DYNC2H1: variants seen among roughly 807,000 people sequenced by gnomAD.
DYNC2H1 encodes the protein dynein cytoplasmic 2 heavy chain 1.
Under a neutral mutation model 570.0 loss-of-function variants are expected in DYNC2H1, and 410 were observed. That is an observed-to-expected ratio of 0.72 (90% CI 0.66 to 0.78). The LOEUF (loss-of-function observed/expected upper bound fraction) is 0.78, where lower values mean the gene tolerates loss of function less well. Ranked by LOEUF, DYNC2H1 falls within the 30% of genes least tolerant of loss-of-function variation. The pLI, the probability that DYNC2H1 is intolerant of heterozygous loss-of-function variation, is 0.00. For missense variants in DYNC2H1, 4,865 were observed against 5,046.4 expected, an observed-to-expected ratio of 0.96 and a Z score of 1.09; for synonymous variants, 1,688 against 1,677.6, an observed-to-expected ratio of 1.01 and a Z score of -0.15.
intron 63 of DYNC2H1, among the ~76,000 whole-genome samples, chr11:103,238,592 C>T (rs983474429): frequency 4.6e-5 from 7 of 151,924 alleles, no homozygotes; most frequent in African/African-American, 1.7e-4. Context: ...TACACACACA[C>T]ACACACACAC....
chr11:103,276,650 G>A (rs988750287), intron 70 of DYNC2H1, among the ~76,000 whole-genome samples: 12 of 152,000 alleles, frequency 7.9e-5, no homozygotes, highest in African/African-American at 2.9e-4. Flanking sequence ...TGTTTTTGCA[G>A]ATGTTTATCC....
intron 83 of DYNC2H1, among the ~76,000 whole-genome samples, chr11:103,366,106 A>AATG (rs1183746920): frequency 6.6e-6 from 1 of 152,218 alleles, no homozygotes; most frequent in African/African-American, 2.4e-5. Flanking sequence ...GTACAACAAA[A>AATG]ATGATGGATT....
chr11:103,165,202 A>G (rs1281033592), intron 30 of DYNC2H1, among the ~76,000 whole-genome samples: 2 of 152,264 alleles, frequency 1.3e-5, no homozygotes, highest in East Asian at 3.9e-4. Flanking sequence ...ATCTCAGCTC[A>G]CTGCAACCTC....
rs1426629062 is a variant in DYNC2H1, at chr11:103,241,735, A to G, written c.9820-1958A>G. Among the ~76,000 whole-genome samples the G allele has an allele frequency of 4.6e-5, 7 of 152,114 alleles. No individual in the cohort carries two copies. Among genetic ancestry groups the G allele is most frequent in the African/African-American group, 1.4e-4 (6 of 41,418 alleles). On this transcript the variant is annotated intron_variant, in intron 63 of 88. Coordinates refer to ENST00000375735, the MANE Select transcript of DYNC2H1 (RefSeq NM_001377.3). The surrounding 1 kb of genome is among the most constrained non-coding windows in gnomAD (Gnocchi z 5.1). ...TTCGAGTAGTACATTTACGTGATGG[A>G]GCAGTAAGTGAAATCTCTAGAAATA...
chr11:103,200,179 GAAAATAAA>G, intron 50 of DYNC2H1, 25 bp downstream of exon 50: 1 of 1,433,932 alleles, frequency 7.0e-7, no homozygotes, highest in Non-Finnish European at 9.4e-7. Context: ...TCTTTTCGAA[GAAAATAAA>G]AATAATGGCA....
chr11:103,376,792 T>C (rs1941410609), intron 83 of DYNC2H1, among the ~76,000 whole-genome samples: 2 of 152,238 alleles, frequency 1.3e-5, no homozygotes, highest in Admixed American at 6.5e-5. Flanking sequence ...TATACTTTCA[T>C]GTGCTTTTAT....
At chr11:103,140,653 C>G (rs1859860946) in intron 17 of DYNC2H1, among the ~76,000 whole-genome samples, 1 of 152,100 alleles carries the variant, frequency 6.6e-6, no homozygotes, top group South Asian at 2.1e-4. Context: ...TCCTTCATTT[C>G]AACTTTGGTG....
At position 103,257,620 on chromosome 11, in the gene DYNC2H1, T is replaced by C; in HGVS notation, c.10474T>C (p.Tyr3492His). Residue 3492 changes from tyrosine to histidine, a missense_variant, in exon 69 of 89, where the codon TAT becomes CAT. Transcript: ENST00000375735. Reference sequence around the variant, plus strand: ...TCTTGATCCATAGGAACGGGATGCCTATCTCCCCCTGGCTGAGAGTGCCAG... The same window carrying C: ...TCTTGATCCATAGGAACGGGATGCCCATCTCCCCCTGGCTGAGAGTGCCAG... ...QISLDQERDA[Y>H]LPLAESASKM... 3 of 1,611,166 alleles carry C rather than the reference T, an allele frequency of 1.9e-6. No homozygotes were observed. The highest frequency in any genetic ancestry group is 2.5e-6 in the Non-Finnish European group (3 of 1,178,260).
At chr11:103,392,886 A>ATT (rs5794232) in intron 83 of DYNC2H1, among the ~76,000 whole-genome samples, 1 of 145,792 alleles carries the variant, frequency 6.9e-6, no homozygotes, top group African/African-American at 2.5e-5. Context: ...TCCTGAAACT[A>ATT]TTTTTTTTTT....
chr11:103,285,402 G>A (rs2135349984), intron 73 of DYNC2H1, among the ~76,000 whole-genome samples: 1 of 146,264 alleles, frequency 6.8e-6, no homozygotes, highest in Middle Eastern at 3.4e-3. Context: ...TGGGAGAGGA[G>A]GAATTTTTCT....
rs1239910520 is a variant in DYNC2H1, at chr11:103,163,275, C to A, written c.4611+128C>A. The A allele has an allele frequency of 2.6e-6, 3 of 1,162,670 alleles. No individual in the cohort carries two copies. The highest frequency in any genetic ancestry group is 2.3e-6 in the Non-Finnish European group (2 of 866,766). 72.0% of individuals were successfully genotyped at this position (1,162,670 alleles called of 1,614,324 possible). ...TATCTAACAGTTAACGGACAAATTG[C>A]TTAACTTCTGAGTCTCAGTTCCTTC... On this transcript the variant is annotated intron_variant, in intron 30 of 88. Coordinates refer to ENST00000375735, the MANE Select transcript of DYNC2H1 (RefSeq NM_001377.3). The surrounding 1 kb of genome is among the most constrained non-coding windows in gnomAD (Gnocchi z 4.6).
chr11:103,218,873 G>A (rs986930150), intron 55 of DYNC2H1, among the ~76,000 whole-genome samples: 1 of 152,164 alleles, frequency 6.6e-6, no homozygotes, highest in Non-Finnish European at 1.5e-5. Flanking sequence ...TTGGTATTTT[G>A]TAGAAAGCAC....
At chr11:103,266,027 G>T (rs1161393932) in intron 70 of DYNC2H1, among the ~76,000 whole-genome samples, 2 of 116,626 alleles carry the variant, frequency 1.7e-5, no homozygotes, top group Non-Finnish European at 3.2e-5. Context: ...GCTCCTTGGG[G>T]TTAGGAATCC....
rs569316377 is a variant in DYNC2H1, at chr11:103,406,680, A to G, written c.12366+6808A>G. The G allele has an allele frequency of 2.6e-5, 4 of 152,162 alleles. No homozygotes were observed. The East Asian group carries it at 5.8e-4, about 22-fold the overall frequency. The allele number at this position is 152,162 out of a possible 1,614,324, so 9.4% of individuals were successfully genotyped here. On this transcript the variant is annotated intron_variant, in intron 84 of 88. Transcript: ENST00000375735. ...GCTTGGGTTATAAATTAGTACTGCTATCATTCAACCTATATGATTAATTGA... is the reference window on the plus strand; with the variant it reads ...GCTTGGGTTATAAATTAGTACTGCTGTCATTCAACCTATATGATTAATTGA...
intron 80 of DYNC2H1, among the ~76,000 whole-genome samples, chr11:103,318,795 A>C (rs1938004128): frequency 6.6e-6 from 1 of 152,130 alleles, no homozygotes; most frequent in Admixed American, 6.5e-5. Context: ...TTTTCCATAA[A>C]CTGAACCTAT....
At chr11:103,152,640 A>G (rs1565346695) in intron 21 of DYNC2H1, among the ~76,000 whole-genome samples, 1 of 152,158 alleles carries the variant, frequency 6.6e-6, no homozygotes, top group Non-Finnish European at 1.5e-5. Context: ...GGAGACCCCA[A>G]AAATTGTAGC....
chr11:103,453,438 GTTAT>G (rs200693881), intron 85 of DYNC2H1, among the ~76,000 whole-genome samples: 1,559 of 151,848 alleles, frequency 0.01, 17 homozygotes, highest in African/African-American at 0.036. Flanking sequence ...AATAATCTTT[GTTAT>G]TTATTTATCT....
In DYNC2H1 at chr11:103,122,936, G is replaced by C. The variant is rs760773907; in HGVS notation, c.1597G>C (p.Glu533Gln). Reference sequence around the variant, plus strand: ...AGACCAGCTTAAACTATATGAACAGGAACAATTTGATGATTGGTCCAGGGA... The same window carrying C: ...AGACCAGCTTAAACTATATGAACAGCAACAATTTGATGATTGGTCCAGGGA... ...LLDQLKLYEQ[E>Q]QFDDWSRDIQ... The change falls in exon 11 of 89, where the codon GAA becomes CAA. Residue 533 changes from glutamate to glutamine, a missense_variant. Coordinates refer to ENST00000375735, the MANE Select transcript of DYNC2H1 (RefSeq NM_001377.3). 5 of 1,609,536 alleles carry C rather than the reference G, an allele frequency of 3.1e-6. No homozygotes were observed. The East Asian group carries it at 6.7e-5, about 22-fold the overall frequency.
In DYNC2H1 at chr11:103,245,158, C is replaced by A; in HGVS notation, c.9919-93C>A. ...AGAATCTGAAATTGTGTTTCTATAA[C>A]ATTTTGAAATTACTGTAGAAAATCA... is the stretch of plus-strand genomic sequence containing the variant. On this transcript the variant is annotated intron_variant, in intron 64 of 88. Transcript: ENST00000375735. The surrounding 1 kb of genome is among the most constrained non-coding windows in gnomAD (Gnocchi z 4.5). The A allele has an allele frequency of 9.0e-7, 1 of 1,110,820 alleles. No individual in the cohort carries two copies. The highest frequency in any genetic ancestry group is 1.3e-6 in the Non-Finnish European group (1 of 799,998). The allele number at this position is 1,110,820 out of a possible 1,614,324, so 68.8% of individuals were successfully genotyped here.
Sources: gnomAD v4.1 joint callset for allele counts (sites outside exome capture counted in the v4.1 genomes callset) on GRCh38, gnomAD v4.1.1 for gene constraint, Gnocchi (gnomAD v3.1) non-coding constraint, MANE v1.5 for transcripts, NCBI Gene and HGNC (gene_info 2026-07-23, HGNC 2026-07-21) for gene names.